The following RBFOX3 variants were observed in gnomAD, a reference collection of about 807,000 sequenced individuals.
RBFOX3 encodes RNA binding protein fox-1 homolog 3.
RBFOX3 carries 17 observed loss-of-function variants against 48.7 expected under a neutral mutation model. That is an observed-to-expected ratio of 0.35 (90% CI 0.24 to 0.52). The LOEUF is 0.52. Among genes scored for constraint, RBFOX3 ranks in the 20% least tolerant of loss-of-function variants. RBFOX3 has a pLI of 0.94. For missense variants in RBFOX3, 382 were observed against 497.5 expected, an observed-to-expected ratio of 0.77 and a Z score of 2.21; for synonymous variants, 212 against 209.5, an observed-to-expected ratio of 1.01 and a Z score of -0.10.
intron 6 of RBFOX3, among the ~76,000 whole-genome samples, chr17:79,105,579 C>A (rs975499297): frequency 6.6e-6 from 1 of 152,222 alleles, no homozygotes; most frequent in Non-Finnish European, 1.5e-5. Flanking sequence ...CAAATCCAAC[C>A]AGGCCGGGCT....
intron 4 of RBFOX3, among the ~76,000 whole-genome samples, chr17:79,167,098 T>C (rs986411811): frequency 1.3e-5 from 2 of 152,178 alleles, no homozygotes; most frequent in Admixed American, 6.5e-5. Flanking sequence ...AAGGGCAACC[T>C]TCTCAGCTAC....
intron 1 of RBFOX3, among the ~76,000 whole-genome samples, chr17:79,565,446 T>A (rs1337608654): frequency 1.3e-5 from 2 of 151,680 alleles, no homozygotes; most frequent in African/African-American, 4.9e-5. Context: ...TTCAAGCGAT[T>A]CTCCTGCCTC....
chr17:79,431,718 CA>C (rs2068496907), intron 2 of RBFOX3, among the ~76,000 whole-genome samples: 2 of 152,320 alleles, frequency 1.3e-5, no homozygotes, highest in African/African-American at 4.8e-5. Flanking sequence ...CTCCTGACCT[CA>C]GGTGATCCTC....
chr17:79,552,744 C>T (rs1184871798), intron 1 of RBFOX3, among the ~76,000 whole-genome samples: 1 of 152,134 alleles, frequency 6.6e-6, no homozygotes, highest in African/African-American at 2.4e-5. Flanking sequence ...ATGCATTTTG[C>T]ACATTTCTTG....
chr17:79,289,608 T>C (rs1212809860), intron 3 of RBFOX3, among the ~76,000 whole-genome samples: 1 of 152,276 alleles, frequency 6.6e-6, no homozygotes, highest in Non-Finnish European at 1.5e-5. Flanking sequence ...GTTAACTCTC[T>C]GGTCCTACTT....
At chr17:79,628,351 C>G in the RBFOX3 span, among the ~76,000 whole-genome samples, 1 of 152,174 alleles carries the variant, frequency 6.6e-6, no homozygotes, top group Admixed American at 6.5e-5. Flanking sequence ...CCCTCGAAGA[C>G]TCCCCTGGAT....
At chr17:79,518,499 A>G (rs1439487625) in intron 1 of RBFOX3, among the ~76,000 whole-genome samples, 1 of 152,250 alleles carries the variant, frequency 6.6e-6, no homozygotes, top group Non-Finnish European at 1.5e-5. Flanking sequence ...GGGCTTGCTT[A>G]GGTGTCTCCA....
intron 1 of RBFOX3, among the ~76,000 whole-genome samples, chr17:79,520,137 C>T (rs1365369120): frequency 6.6e-6 from 1 of 152,232 alleles, no homozygotes; most frequent in East Asian, 1.9e-4. Context: ...GGTGAGGGGG[C>T]TGGGACCAGT....
Position 79,361,133 on chromosome 17 carries a change from A to G in RBFOX3, c.-174-53309T>C, listed in dbSNP as rs902182297. Among the ~76,000 whole-genome samples the G allele has an allele frequency of 3.4e-4, 52 of 152,226 alleles. 1 individual carries two copies. Among genetic ancestry groups the G allele is most frequent in the African/African-American group, 1.1e-3 (46 of 41,554 alleles). ...ACACACATTTGGCTCCAAAGGTTTG[A>G]AAGAGGGTGACAGACAGCTGTCACC... On this transcript the variant is annotated intron_variant, in intron 2 of 14. Coordinates refer to ENST00000693108, the MANE Select transcript of RBFOX3 (RefSeq NM_001350451.2). This position sits in a 1 kb window ranked among gnomAD's most constrained non-coding sequence, Gnocchi z 4.5.
chr17:79,147,023 G>T (rs975786293), intron 4 of RBFOX3, among the ~76,000 whole-genome samples: 12 of 144,358 alleles, frequency 8.3e-5, no homozygotes, highest in African/African-American at 3.0e-4. Context: ...ACAGGGAACA[G>T]GGGACAAAAT....
intron 1 of RBFOX3, among the ~76,000 whole-genome samples, chr17:79,593,479 G>T (rs2093480274): frequency 1.3e-5 from 2 of 152,112 alleles, no homozygotes; most frequent in African/African-American, 4.8e-5. Flanking sequence ...ACATTGCCTT[G>T]ACACCGCCAG....
intron 3 of RBFOX3, among the ~76,000 whole-genome samples, chr17:79,297,875 G>C (rs571999726): frequency 6.6e-6 from 1 of 152,280 alleles, no homozygotes; most frequent in South Asian, 2.1e-4. Flanking sequence ...CTATTTGTCT[G>C]ACTATACCCA....
intron 4 of RBFOX3, among the ~76,000 whole-genome samples, chr17:79,153,959 G>A (rs181870275): frequency 7.2e-5 from 11 of 152,262 alleles, no homozygotes; most frequent in East Asian, 1.9e-4. Context: ...TGGGAGGGGC[G>A]GGCCCAGTCC....
At chr17:79,432,161 G>A (rs962152109) in intron 2 of RBFOX3, among the ~76,000 whole-genome samples, 3 of 152,150 alleles carry the variant, frequency 2.0e-5, no homozygotes, top group Non-Finnish European at 4.4e-5. Context: ...AATATTCTCT[G>A]GCATGGACAG....
chr17:79,650,781 C>T, the RBFOX3 span, among the ~76,000 whole-genome samples: 54 of 152,262 alleles, frequency 3.5e-4, no homozygotes, highest in African/African-American at 1.3e-3. Context: ...CCATGGCCCC[C>T]GAGGGAAGAC....
the RBFOX3 span, among the ~76,000 whole-genome samples, chr17:79,662,146 G>GTTTTTTTTTT: frequency 3.3e-4 from 1 of 3,070 alleles, no homozygotes; most frequent in Non-Finnish European, 2.7e-3. Context: ...TTTTTTTTGA[G>GTTTTTTTTTT]TCGGAGTCTC....
intron 4 of RBFOX3, among the ~76,000 whole-genome samples, chr17:79,134,779 C>T (rs904899898): frequency 7.2e-5 from 11 of 152,302 alleles, no homozygotes; most frequent in East Asian, 1.9e-4. Flanking sequence ...GGACGCCACT[C>T]GGAACATCAG....
At chr17:79,219,788 G>A (rs372927805) in intron 4 of RBFOX3, among the ~76,000 whole-genome samples, 3 of 152,182 alleles carry the variant, frequency 2.0e-5, no homozygotes, top group East Asian at 3.9e-4. Context: ...TGTTTGGGAA[G>A]CGGGAGGAGT....
At chr17:79,146,667 C>A (rs995365925) in intron 4 of RBFOX3, among the ~76,000 whole-genome samples, 2 of 152,188 alleles carry the variant, frequency 1.3e-5, no homozygotes, top group Non-Finnish European at 2.9e-5. Context: ...CTGCCATCTG[C>A]GAGTCCAGCC....
Sources: gnomAD v4.1 joint callset for allele counts (sites outside exome capture counted in the v4.1 genomes callset) on GRCh38, gnomAD v4.1.1 for gene constraint, Gnocchi (gnomAD v3.1) non-coding constraint, MANE v1.5 for transcripts, NCBI Gene and HGNC (gene_info 2026-07-23, HGNC 2026-07-21) for gene names.